Variants in ANKRD30A observed in about 807,000 individuals in gnomAD.
ANKRD30A encodes ankyrin repeat domain-containing protein 30A.
A neutral mutation model predicts 166.3 loss-of-function variants in ANKRD30A; 170 were observed. That is an observed-to-expected ratio of 1.02 (90% confidence interval 0.90 to 1.16). The LOEUF is 1.16. Ranked by LOEUF, ANKRD30A falls within the 50% of genes most tolerant of loss-of-function variation. The pLI is 0.00. For synonymous variants in ANKRD30A, 564 were observed against 508.9 expected, an observed-to-expected ratio of 1.11 and a Z score of -1.46; for missense variants, 1,630 against 1,518.0, an observed-to-expected ratio of 1.07 and a Z score of -1.23.
At chr10:37,240,697 T>C in the ANKRD30A span, among the ~76,000 whole-genome samples, 8 of 152,150 alleles carry the variant, frequency 5.3e-5, no homozygotes, top group African/African-American at 1.9e-4. Context: ...TATGTTTTTG[T>C]TGTCCTTCTG....
At chr10:37,263,825 A>G in the ANKRD30A span, among the ~76,000 whole-genome samples, 1 of 152,164 alleles carries the variant, frequency 6.6e-6, no homozygotes, top group African/African-American at 2.4e-5. Context: ...GACAGTGGCA[A>G]TTAATCCAGG....
At chr10:37,137,458 G>A (rs1836787023) in intron 6 of ANKRD30A, among the ~76,000 whole-genome samples, 1 of 152,142 alleles carries the variant, frequency 6.6e-6, no homozygotes, top group Non-Finnish European at 1.5e-5. Flanking sequence ...AAGGGGTCAG[G>A]GAATTCCCTT....
In ANKRD30A at chr10:37,153,420, G is replaced by A. The variant is rs1168194751; in HGVS notation, c.1708-152G>A. The A allele has an allele frequency of 1.5e-5, 17 of 1,155,412 alleles. No individual in the cohort carries two copies. In the East Asian group the frequency reaches 4.2e-4, roughly 29 times the overall value. 71.6% of individuals were successfully genotyped at this position (1,155,412 alleles called of 1,614,324 possible). On this transcript the variant is annotated intron_variant, in intron 12 of 35. Coordinates refer to ENST00000361713, the MANE Select transcript of ANKRD30A (RefSeq NM_052997.3). ...GTTGTGTGAGGTTTTCTATCAAAAT[G>A]TGTTGGTTTTCTATATGTATCTGCA...
rs760497000 is a variant in ANKRD30A, at chr10:37,142,105, C to A, written c.1208C>A (p.Ser403Tyr). 4 of 1,611,606 alleles carry A rather than the reference C, an allele frequency of 2.5e-6. No individual in the cohort carries two copies. Among genetic ancestry groups the A allele is most frequent in the Non-Finnish European group, 3.4e-6 (4 of 1,179,426 alleles). ...ATTATGAGTCCCGCAAAAGAAACATCTGAGAAATTTACGTGGGCAGCAAAA... is the reference window on the plus strand; with the variant it reads ...ATTATGAGTCCCGCAAAAGAAACATATGAGAAATTTACGTGGGCAGCAAAA... The part of the protein sequence containing the change: ...REIMSPAKET[S>Y]EKFTWAAKGR... The change falls in exon 7 of 36, where the codon TCT becomes TAT. Residue 403 changes from serine to tyrosine, a missense_variant. This residue lies in a region of ANKRD30A where 904 missense variants were observed against 818.5 expected (regional missense o/e 1.10). Coordinates refer to ENST00000361713, the MANE Select transcript of ANKRD30A (RefSeq NM_052997.3).
chr10:37,218,187 C>T, intron 33 of ANKRD30A, among the ~76,000 whole-genome samples: 1 of 150,928 alleles, frequency 6.6e-6, no homozygotes, highest in Middle Eastern at 3.2e-3. Flanking sequence ...ACATTTAATA[C>T]TGACTCAAAC....
At chr10:37,247,648 G>C in the ANKRD30A span, among the ~76,000 whole-genome samples, 1 of 150,818 alleles carries the variant, frequency 6.6e-6, no homozygotes, top group Non-Finnish European at 1.5e-5. Flanking sequence ...GAGGCGGGCA[G>C]ATCACAAGGT....
Position 37,164,997 on chromosome 10 carries a change from T to A in ANKRD30A, c.2003-97T>A, listed in dbSNP as rs1197810775. On this transcript the variant is annotated intron_variant, in intron 17 of 35. Coordinates refer to ENST00000361713, the MANE Select transcript of ANKRD30A (RefSeq NM_052997.3). ...AGAACATATGGGCCACAGAGGAAAA[T>A]CCACAGATTCGTGAATGAAAGTAGA... 1.5e-5 allele frequency: 19 copies of A among 1,302,730 alleles called. No individual in the cohort carries two copies. The East Asian group carries it at 1.9e-4, about 13-fold the overall frequency. 80.7% of individuals were successfully genotyped at this position (1,302,730 alleles called of 1,614,324 possible).
intron 30 of ANKRD30A, 71 bp from the exon 31 acceptor site, chr10:37,201,164 T>G (rs1192109576): frequency 1.2e-5 from 15 of 1,252,122 alleles, no homozygotes; most frequent in Admixed American, 1.1e-4. Context: ...AGATTTTAAT[T>G]AGGAAATTTT....
Position 37,217,808 on chromosome 10 carries a change from A to G in ANKRD30A, c.3197A>G (p.Lys1066Arg). ...CAGCATAGGAAAGAGTTAGAAGTGA[A>G]ACAACAACTTGAACAGGCTCTCAGA... ...EEQHRKELEV[K>R]QQLEQALRIQ... The change falls in exon 33 of 36, where the codon AAA (lysine) becomes AGA (arginine). Residue 1066 changes from lysine (K) to arginine (R), a missense_variant. By Grantham distance (26) the Lys-to-Arg change is conservative (BLOSUM62 2). Around this residue, in one of 4 missense-constraint regions of ANKRD30A, gnomAD observed 712 missense variants for 629.3 expected, o/e 1.13. Transcript: ENST00000361713. The G allele has an allele frequency of 6.2e-7, 1 of 1,600,702 alleles. No individual in the cohort carries two copies. Among genetic ancestry groups the G allele is most frequent in the East Asian group, 2.3e-5 (1 of 44,126 alleles).
At chr10:37,253,923 T>A in the ANKRD30A span, among the ~76,000 whole-genome samples, 18 of 152,188 alleles carry the variant, frequency 1.2e-4, no homozygotes, top group Admixed American at 3.9e-4. Flanking sequence ...GTGCTGGGAT[T>A]ACAGGCGTGA....
chr10:37,167,299 TATAG>T lies in ANKRD30A; in HGVS notation c.2155+607_2155+610del, dbSNP rs1385776581. Among the ~76,000 whole-genome samples, 4 of 142,710 alleles carry T rather than the reference TATAG, an allele frequency of 2.8e-5. 1 individual carries two copies. The highest frequency in any genetic ancestry group is 1.1e-4 in the African/African-American group (4 of 35,374). 93.6% of individuals were successfully genotyped at this position (142,710 alleles called of 152,430 possible). A position where few individuals can be genotyped will look rare whatever the true frequency, so the allele number is the denominator to read the frequency against. ...CTATGAGGCGTCAAATATATATATATATAGATGTGTGCATGTATGTATGTTTTTG... is the reference window on the plus strand; with the variant it reads ...CTATGAGGCGTCAAATATATATATATATGTGTGCATGTATGTATGTTTTTG... On this transcript the variant is annotated intron_variant, in intron 19 of 35. Coordinates refer to ENST00000361713, the MANE Select transcript of ANKRD30A (RefSeq NM_052997.3).
intron 31 of ANKRD30A, among the ~76,000 whole-genome samples, chr10:37,213,486 T>A (rs1262676559): frequency 6.6e-6 from 1 of 151,624 alleles, no homozygotes; most frequent in Non-Finnish European, 1.5e-5. Context: ...GACAAAAACA[T>A]TCAAACCAGT....
At chr10:37,140,462 A>T (rs571289315) in intron 6 of ANKRD30A, among the ~76,000 whole-genome samples, 22 of 152,326 alleles carry the variant, frequency 1.4e-4, no homozygotes, top group African/African-American at 5.3e-4. Context: ...AAGTCAGAAA[A>T]GCAATTATTT....
intron 24 of ANKRD30A, chr10:37,178,470 G>GTGATGC (rs1839907690): frequency 1.1e-6 from 1 of 919,186 alleles, no homozygotes; most frequent in Non-Finnish European, 1.3e-6. Flanking sequence ...AAGTTCTCAG[G>GTGATGC]TGATGCTGAT....
At position 37,192,703 on chromosome 10, in the gene ANKRD30A, G is replaced by A. The variant is rs537794943; in HGVS notation, c.2513-361G>A. Among the ~76,000 whole-genome samples the A allele has an allele frequency of 1.8e-3, 280 of 152,072 alleles. 4 individuals carry two copies. Among genetic ancestry groups the A allele is most frequent in the African/African-American group, 6.5e-3 (271 of 41,458 alleles). On this transcript the variant is annotated intron_variant, in intron 25 of 35. Coordinates refer to ENST00000361713, the MANE Select transcript of ANKRD30A (RefSeq NM_052997.3). ...TCCCATTAGCTTAGTCATTTATTCTGTTTTGGTGGGGTGTGGCATGACTTG... is the reference window on the plus strand; with the variant it reads ...TCCCATTAGCTTAGTCATTTATTCTATTTTGGTGGGGTGTGGCATGACTTG...
intron 31 of ANKRD30A, among the ~76,000 whole-genome samples, chr10:37,202,863 T>C (rs1841735400): frequency 6.6e-6 from 1 of 152,126 alleles, no homozygotes; most frequent in Non-Finnish European, 1.5e-5. Flanking sequence ...TAAACACCTC[T>C]ATGCAAATAA....
intron 4 of ANKRD30A, among the ~76,000 whole-genome samples, chr10:37,132,754 T>C (rs1443722347): frequency 6.6e-6 from 1 of 152,186 alleles, no homozygotes; most frequent in African/African-American, 2.4e-5. Flanking sequence ...TCCCACCACT[T>C]TGGGAGGCCA....
At chr10:37,255,503 T>C in the ANKRD30A span, among the ~76,000 whole-genome samples, 1 of 152,226 alleles carries the variant, frequency 6.6e-6, no homozygotes, top group African/African-American at 2.4e-5. Context: ...GCTTTGCCAT[T>C]TTAACCATTT....
chr10:37,240,109 A>G, the ANKRD30A span, among the ~76,000 whole-genome samples: 1 of 152,134 alleles, frequency 6.6e-6, no homozygotes, highest in South Asian at 2.1e-4. Context: ...TTGTTTGTTT[A>G]ATAGATAGTA....
Sources: allele counts gnomAD v4.1 joint callset (sites outside exome capture counted in the v4.1 genomes callset), GRCh38; gene constraint gnomAD v4.1.1; regional missense constraint gnomAD v4.1.1; transcripts MANE v1.5; gene names NCBI Gene and HGNC (gene_info 2026-07-23, HGNC 2026-07-21).